The following MGAT4C variants were observed in gnomAD, a reference collection of about 807,000 sequenced individuals.
MGAT4C encodes the protein MGAT4 family member C, also known as alpha-1,3-mannosyl-glycoprotein 4-beta-N-acetylglucosaminyltransferase C.
In MGAT4C, 19 loss-of-function variants were observed where a neutral mutation model predicts 40.1. The ratio of observed to expected loss-of-function variants is 0.47; its 90% CI spans 0.33 to 0.70. The LOEUF (loss-of-function observed/expected upper bound fraction) is 0.70, where lower values mean the gene tolerates loss of function less well. Ranked by LOEUF, MGAT4C falls within the 30% of genes least tolerant of loss-of-function variation. The pLI is 0.02. For missense variants in MGAT4C, 491 were observed against 563.2 expected (o/e 0.87, Z 1.30); for synonymous variants, 181 against 187.1 (o/e 0.97, Z 0.27).
At chr12:86,817,261 TTTGA>T (rs1317401264) in intron 1 of MGAT4C, among the ~76,000 whole-genome samples, 1 of 151,418 alleles carries the variant, frequency 6.6e-6, no homozygotes, top group Non-Finnish European at 1.5e-5. Context: ...TCACTTCACT[TTTGA>T]TTGATAGAAT....
At chr12:86,401,914 A>G (rs1237511390) in intron 3 of MGAT4C, among the ~76,000 whole-genome samples, 1 of 152,142 alleles carries the variant, frequency 6.6e-6, no homozygotes, top group Non-Finnish European at 1.5e-5. Context: ...CTAAGAAACA[A>G]TTTGATAATT....
intron 1 of MGAT4C, among the ~76,000 whole-genome samples, chr12:86,154,506 C>T (rs1884671642): frequency 6.6e-6 from 1 of 152,130 alleles, no homozygotes; most frequent in Admixed American, 6.5e-5. Flanking sequence ...TCTGTTGTCC[C>T]TCACTGCCTA....
intron 2 of MGAT4C, among the ~76,000 whole-genome samples, chr12:86,632,111 T>C (rs2136507320): frequency 6.6e-6 from 1 of 152,154 alleles, no homozygotes; most frequent in South Asian, 2.1e-4. Flanking sequence ...GAACAGATAC[T>C]TCTCAAAAGA....
At chr12:86,560,871 C>A (rs976837358) in intron 2 of MGAT4C, among the ~76,000 whole-genome samples, 3 of 151,950 alleles carry the variant, frequency 2.0e-5, no homozygotes, top group Non-Finnish European at 4.4e-5. Flanking sequence ...TTGCAGAAAA[C>A]AAAATCTTAT....
At chr12:86,482,044 T>G (rs1376701676) in intron 2 of MGAT4C, among the ~76,000 whole-genome samples, 2 of 149,076 alleles carry the variant, frequency 1.3e-5, no homozygotes, top group African/African-American at 2.5e-5. Flanking sequence ...TTTTTTCTTA[T>G]TTGTATTTTC....
intron 2 of MGAT4C, among the ~76,000 whole-genome samples, chr12:86,477,235 C>G (rs1592894965): frequency 1.3e-5 from 2 of 150,784 alleles, no homozygotes; most frequent in East Asian, 3.9e-4. Flanking sequence ...TACTATGCAG[C>G]CATTAAAAAA....
Position 86,774,319 on chromosome 12 carries a change from C to CTTTCTTTCTTTCTTTTCTTTCT in MGAT4C, c.-261-47079_-261-47078insAGAAAGAAAAGAAAGAAAGAAA, listed in dbSNP as rs1555227781. ...TCTTTCTTTCTTTCTTTCTTTCTTTCTTTCTTTCTTTCTTTCTTTCTGTCT... is the reference window on the plus strand; with the variant it reads ...TCTTTCTTTCTTTCTTTCTTTCTTTCTTTCTTTCTTTCTTTTCTTTCTTTTCTTTCTTTCTTTCTTTCTGTCT... On this transcript the variant is annotated intron_variant, in intron 1 of 7. Transcript: ENST00000548651. Among the ~76,000 whole-genome samples the CTTTCTTTCTTTCTTTTCTTTCT allele has an allele frequency of 7.9e-4, 74 of 93,720 alleles. 4 individuals are homozygous for CTTTCTTTCTTTCTTTTCTTTCT. Among genetic ancestry groups the CTTTCTTTCTTTCTTTTCTTTCT allele is most frequent in the African/African-American group, 2.9e-3 (72 of 25,104 alleles). The allele number at this position is 93,720 out of a possible 152,430, so 61.5% of individuals were successfully genotyped here.
At chr12:86,662,070 A>G (rs182966374) in intron 2 of MGAT4C, among the ~76,000 whole-genome samples, 2 of 152,260 alleles carry the variant, frequency 1.3e-5, no homozygotes, top group East Asian at 3.9e-4. Context: ...AATGGCATCT[A>G]ATCTACTTTT....
intron 1 of MGAT4C, among the ~76,000 whole-genome samples, chr12:86,769,625 A>T (rs1310831341): frequency 6.6e-6 from 1 of 152,156 alleles, no homozygotes; most frequent in South Asian, 2.1e-4. Flanking sequence ...CAAATATCCA[A>T]CAATGATAGA....
At chr12:86,543,172 A>T (rs1565838057) in intron 2 of MGAT4C, among the ~76,000 whole-genome samples, 1 of 151,904 alleles carries the variant, frequency 6.6e-6, no homozygotes, top group African/African-American at 2.4e-5. Context: ...ACACACATAT[A>T]CAGAAGAGTT....
At chr12:86,151,766 C>CT (rs1222202394) in intron 1 of MGAT4C, among the ~76,000 whole-genome samples, 2 of 152,228 alleles carry the variant, frequency 1.3e-5, no homozygotes, top group African/African-American at 4.8e-5. Context: ...CCAGGTGGCT[C>CT]TTTCAAAATT....
chr12:86,352,441 G>A (rs929098577), intron 3 of MGAT4C, among the ~76,000 whole-genome samples: 8 of 151,676 alleles, frequency 5.3e-5, no homozygotes, highest in South Asian at 2.1e-4. Context: ...CTATGTATAC[G>A]AACACCTATG....
chr12:86,400,953 T>C lies in MGAT4C; in HGVS notation c.-120+34204A>G, dbSNP rs1360997098. 2.0e-5 allele frequency among the ~76,000 whole-genome samples: 3 copies of C among 152,180 alleles called. No homozygotes were observed. The South Asian group carries it at 6.2e-4, about 31-fold the overall frequency. On this transcript the variant is annotated intron_variant, in intron 3 of 7. Transcript: ENST00000548651. ...TATGTGTCTTGGAGCCTATGTAGAA[T>C]GATCTCACAGAAAATTTTAGTGTTT...
chr12:86,804,095 G>T (rs930025029), intron 1 of MGAT4C, among the ~76,000 whole-genome samples: 11 of 150,694 alleles, frequency 7.3e-5, no homozygotes, highest in African/African-American at 2.4e-4. Context: ...CATAAAAAAT[G>T]ATGAGTTCAC....
intron 1 of MGAT4C, among the ~76,000 whole-genome samples, chr12:86,831,119 C>T (rs748094932): frequency 1.3e-5 from 2 of 151,630 alleles, no homozygotes; most frequent in Non-Finnish European, 2.9e-5. Flanking sequence ...GAAGAGTATA[C>T]CTTTTTTCAA....
intron 1 of MGAT4C, among the ~76,000 whole-genome samples, chr12:86,238,829 T>C (rs968722637): frequency 1.3e-5 from 2 of 152,056 alleles, no homozygotes; most frequent in African/African-American, 4.8e-5. Context: ...TAAAGTATTA[T>C]GCAAACTCAT....
rs181827879 is a variant in MGAT4C, at chr12:86,621,924, G to A, written c.-229+105285C>T. On this transcript the variant is annotated intron_variant, in intron 2 of 7. Transcript: ENST00000548651. ...ATACTTTCTTGCAATGTTTGGCAGTGGTGGCAGGATGCAGCTCACAGTCAG... is the reference window on the plus strand; with the variant it reads ...ATACTTTCTTGCAATGTTTGGCAGTAGTGGCAGGATGCAGCTCACAGTCAG... Among the ~76,000 whole-genome samples the A allele has an allele frequency of 2.0e-5, 3 of 152,214 alleles. No individual in the cohort carries two copies. In the East Asian group the frequency reaches 5.8e-4, roughly 29 times the overall value.
At chr12:86,587,728 C>T (rs1280772805) in intron 2 of MGAT4C, among the ~76,000 whole-genome samples, 3 of 151,486 alleles carry the variant, frequency 2.0e-5, no homozygotes, top group African/African-American at 4.8e-5. Flanking sequence ...TGGGAGTTCA[C>T]TCATGATTTG....
intron 3 of MGAT4C, among the ~76,000 whole-genome samples, chr12:86,359,327 C>A (rs777483533): frequency 4.1e-4 from 63 of 152,062 alleles, no homozygotes; most frequent in Non-Finnish European, 8.4e-4. Context: ...CATTTAAAGC[C>A]GTGTGTAGAG....
Sources: gnomAD v4.1 joint callset for allele counts (sites outside exome capture counted in the v4.1 genomes callset) on GRCh38, gnomAD v4.1.1 for gene constraint, MANE v1.5 for transcripts, NCBI Gene and HGNC (gene_info 2026-07-23, HGNC 2026-07-21) for gene names.